The following IMMP2L variants were observed in gnomAD, a reference collection of about 807,000 sequenced individuals.
IMMP2L encodes mitochondrial inner membrane protease subunit 2.
IMMP2L carries 18 observed loss-of-function variants against 19.3 expected under a neutral mutation model. That is an observed-to-expected ratio of 0.93 (90% CI 0.64 to 1.38). The LOEUF (loss-of-function observed/expected upper bound fraction) is 1.38, where lower values mean the gene tolerates loss of function less well. Among genes scored for constraint, IMMP2L ranks in the 40% most tolerant of loss-of-function variants. The probability of loss-of-function intolerance (pLI) is 0.00; values close to 1 mark genes in which losing one functional copy is unlikely to be tolerated. For missense variants in IMMP2L, 233 were observed against 218.2 expected (o/e 1.07, Z -0.43); for synonymous variants, 76 against 73.0 (o/e 1.04, Z -0.21).
chr7:110,914,203 T>G (rs1460483451), intron 4 of IMMP2L, among the ~76,000 whole-genome samples: 1 of 152,170 alleles, frequency 6.6e-6, no homozygotes, highest in Non-Finnish European at 1.5e-5. Flanking sequence ...CTGTTATAAT[T>G]CTTTGAAGAA....
chr7:111,070,747 G>A (rs1171224051), intron 3 of IMMP2L, among the ~76,000 whole-genome samples: 1 of 152,132 alleles, frequency 6.6e-6, no homozygotes, highest in Non-Finnish European at 1.5e-5. Context: ...AGCAGGTGTA[G>A]TATATGATAT....
At chr7:111,168,688 T>G (rs1242322472) in intron 3 of IMMP2L, among the ~76,000 whole-genome samples, 1 of 151,956 alleles carries the variant, frequency 6.6e-6, no homozygotes, top group Non-Finnish European at 1.5e-5. Flanking sequence ...CTTGTATACT[T>G]TTCAAGCAAA....
At chr7:110,737,620 T>A (rs2130851333) in intron 5 of IMMP2L, among the ~76,000 whole-genome samples, 1 of 152,288 alleles carries the variant, frequency 6.6e-6, no homozygotes, top group South Asian at 2.1e-4. Context: ...CATAATCCCT[T>A]GGGAACTCTA....
chr7:111,187,914 T>C (rs1428050202), intron 3 of IMMP2L, among the ~76,000 whole-genome samples: 1 of 152,082 alleles, frequency 6.6e-6, no homozygotes, highest in Non-Finnish European at 1.5e-5. Context: ...TAGAGTAAGA[T>C]TTACATCCAT....
At chr7:110,676,493 T>C (rs1040727723) in intron 5 of IMMP2L, among the ~76,000 whole-genome samples, 9 of 152,212 alleles carry the variant, frequency 5.9e-5, no homozygotes, top group Non-Finnish European at 1.3e-4. Context: ...TTTTCTATAT[T>C]ATAAATTAGC....
intron 4 of IMMP2L, among the ~76,000 whole-genome samples, chr7:110,939,077 T>A (rs899646903): frequency 2.0e-5 from 3 of 152,128 alleles, no homozygotes; most frequent in African/African-American, 7.2e-5. Flanking sequence ...CAAAGCTGAC[T>A]TCTAAAGGTA....
intron 3 of IMMP2L, among the ~76,000 whole-genome samples, chr7:111,463,591 A>T (rs1479851534): frequency 6.6e-6 from 1 of 152,024 alleles, no homozygotes; most frequent in Non-Finnish European, 1.5e-5. Context: ...CCACAGTCCT[A>T]TTTCCCTGTC....
At chr7:111,520,387 G>T (rs181377275) in intron 2 of IMMP2L, among the ~76,000 whole-genome samples, 1 of 152,164 alleles carries the variant, frequency 6.6e-6, no homozygotes, top group Admixed American at 6.5e-5. Flanking sequence ...GAAGCTAAAG[G>T]ATTTCCTGAC....
Position 111,123,031 on chromosome 7 carries a change from T to A in IMMP2L, c.240-159466A>T. On this transcript the variant is annotated intron_variant, in intron 3 of 5. Coordinates refer to ENST00000405709, the MANE Select transcript of IMMP2L (RefSeq NM_032549.4). This position sits in a 1 kb window ranked among gnomAD's most constrained non-coding sequence, Gnocchi z 6.4. ...TAACAATATTGCAAAAATTGAATAC[T>A]CCACAGACTTTCCAGTAAACCTTAC... 6.2e-7 allele frequency: 1 copy of A among 1,613,904 alleles called. No homozygotes were observed. The highest frequency in any genetic ancestry group is 1.1e-5 in the South Asian group (1 of 91,076).
chr7:111,300,045 T>C (rs1256261192), intron 3 of IMMP2L, among the ~76,000 whole-genome samples: 3 of 152,184 alleles, frequency 2.0e-5, no homozygotes, highest in Admixed American at 1.3e-4. Context: ...AAGACATCTA[T>C]AGACATATAA....
At chr7:110,783,496 A>C (rs1444799530) in intron 5 of IMMP2L, among the ~76,000 whole-genome samples, 2 of 151,866 alleles carry the variant, frequency 1.3e-5, no homozygotes, top group Non-Finnish European at 1.5e-5. Flanking sequence ...TCACATGTTG[A>C]AATATGGGAT....
At chr7:111,103,479 A>G (rs1030561324) in intron 3 of IMMP2L, among the ~76,000 whole-genome samples, 11 of 151,694 alleles carry the variant, frequency 7.3e-5, no homozygotes, top group African/African-American at 7.2e-5. Context: ...ATAGCGTGAT[A>G]CATTTTTAGA....
intron 3 of IMMP2L, among the ~76,000 whole-genome samples, chr7:111,296,925 A>G (rs1404435535): frequency 6.6e-6 from 1 of 152,024 alleles, no homozygotes; most frequent in Non-Finnish European, 1.5e-5. Context: ...TGAGTGAAAA[A>G]GCCAACTTCA....
At chr7:111,011,377 G>A (rs1047933769) in intron 3 of IMMP2L, among the ~76,000 whole-genome samples, 13 of 152,078 alleles carry the variant, frequency 8.5e-5, no homozygotes, top group Admixed American at 6.6e-5. Flanking sequence ...ACCCAAACTG[G>A]ACAGGTAGCT....
chr7:111,016,856 T>C (rs1283251248), intron 3 of IMMP2L, among the ~76,000 whole-genome samples: 1 of 87,644 alleles, frequency 1.1e-5, no homozygotes, highest in African/African-American at 4.8e-5. Context: ...TAATATATAT[T>C]ATATAATATA....
intron 5 of IMMP2L, among the ~76,000 whole-genome samples, chr7:110,880,629 A>G (rs921238328): frequency 1.3e-5 from 2 of 151,876 alleles, no homozygotes; most frequent in Non-Finnish European, 2.9e-5. Context: ...TTCTATGTAC[A>G]CTCAGTTATG....
At chr7:110,752,074 G>T (rs1342456774) in intron 5 of IMMP2L, among the ~76,000 whole-genome samples, 1 of 151,988 alleles carries the variant, frequency 6.6e-6, no homozygotes, top group Non-Finnish European at 1.5e-5. Flanking sequence ...ATACTTACAT[G>T]TTTGTCCAAG....
intron 4 of IMMP2L, among the ~76,000 whole-genome samples, chr7:110,913,182 A>G (rs911157101): frequency 7.2e-5 from 11 of 152,152 alleles, no homozygotes; most frequent in Non-Finnish European, 1.5e-4. Context: ...CCTTCTACCC[A>G]GGAAGGTACC....
intron 3 of IMMP2L, among the ~76,000 whole-genome samples, chr7:111,267,515 TATAAAC>T (rs1817957938): frequency 1.3e-5 from 2 of 152,090 alleles, no homozygotes; most frequent in African/African-American, 4.8e-5. Context: ...TTACTGTGAT[TATAAAC>T]ATGGCCTCAA....
Sources: gnomAD v4.1 joint callset for allele counts (sites outside exome capture counted in the v4.1 genomes callset) on GRCh38, gnomAD v4.1.1 for gene constraint, Gnocchi (gnomAD v3.1) non-coding constraint, MANE v1.5 for transcripts, NCBI Gene and HGNC (gene_info 2026-07-23, HGNC 2026-07-21) for gene names.